Variants in B4GALNT3 observed in about 807,000 individuals in gnomAD.
The protein encoded by B4GALNT3 is beta-1,4-N-acetylgalactosaminyltransferase 3.
In B4GALNT3, 86 loss-of-function variants were observed where a neutral mutation model predicts 120.2. The observed-to-expected ratio is 0.72, with a 90% CI of 0.60 to 0.86. The LOEUF (loss-of-function observed/expected upper bound fraction) is 0.86, where lower values mean the gene tolerates loss of function less well. B4GALNT3 is among the 40% of genes least tolerant of loss of function. The probability of loss-of-function intolerance (pLI) is 0.00; values close to 1 mark genes in which losing one functional copy is unlikely to be tolerated. For missense variants in B4GALNT3, 1,167 were observed against 1,298.9 expected (o/e 0.90, Z 1.56); for synonymous variants, 518 against 510.4 (o/e 1.01, Z -0.20).
chr12:537,964 G>A (rs1196341265), intron 3 of B4GALNT3, among the ~76,000 whole-genome samples: 3 of 152,106 alleles, frequency 2.0e-5, no homozygotes, highest in Non-Finnish European at 4.4e-5. Flanking sequence ...GGGAGAGGAT[G>A]GATTACAATG....
chr12:528,774 CT>C (rs1470671189), intron 1 of B4GALNT3, among the ~76,000 whole-genome samples: 1 of 152,234 alleles, frequency 6.6e-6, no homozygotes, highest in African/African-American at 2.4e-5. Context: ...GCCACAGCCC[CT>C]GCTTTTCCAT....
intron 1 of B4GALNT3, among the ~76,000 whole-genome samples, chr12:511,213 T>C (rs1204300037): frequency 6.6e-6 from 1 of 151,752 alleles, no homozygotes; most frequent in Non-Finnish European, 1.5e-5. Context: ...TTTTTGTTTT[T>C]TTTGGTACCT....
chr12:516,339 A>C (rs149256843), intron 1 of B4GALNT3, among the ~76,000 whole-genome samples: 1 of 152,310 alleles, frequency 6.6e-6, no homozygotes, highest in East Asian at 1.9e-4. Flanking sequence ...TGATCAGGAA[A>C]GGCTTCTGAT....
chr12:511,462 CCTTCCACCTTCTTCCACCTT>C (rs1430534422), intron 1 of B4GALNT3, among the ~76,000 whole-genome samples: 14 of 97,158 alleles, frequency 1.4e-4, no homozygotes, highest in East Asian at 6.2e-4. Context: ...CCTTCTTCCA[CCTTCCACCTTCTTCCACCTT>C]CTTCCACCTT....
intron 1 of B4GALNT3, among the ~76,000 whole-genome samples, chr12:522,015 C>G (rs1015641815): frequency 1.3e-5 from 2 of 151,140 alleles, no homozygotes; most frequent in East Asian, 3.9e-4. Flanking sequence ...CAACCTGACT[C>G]TACTCACCTG....
intron 19 of B4GALNT3, among the ~76,000 whole-genome samples, chr12:559,776 C>A (rs1947205201): frequency 6.6e-6 from 1 of 152,088 alleles, no homozygotes; most frequent in Non-Finnish European, 1.5e-5. Context: ...GGGTAGTGCG[C>A]CTCCCGTCAG....
At position 559,303 on chromosome 12, in the gene B4GALNT3, G is replaced by A. The variant is rs1292374999; in HGVS notation, c.2770G>A (p.Glu924Lys). 1.9e-6 allele frequency: 3 copies of A among 1,613,902 alleles called. No homozygotes were observed. Among genetic ancestry groups the A allele is most frequent in the Non-Finnish European group, 2.5e-6 (3 of 1,179,942 alleles). The change falls in exon 19 of 20, where the codon GAG (glutamate) becomes AAG (lysine). Residue 924 changes from glutamate (E) to lysine (K), a missense_variant. Transcript: ENST00000266383. ...CTCCTGTCTGTCCACAGGCTACTGG[G>A]AGGTGAATGGGTTCGGGCTGCTTGG... The part of the protein sequence containing the change: ...ATPQWPEGYW[E>K]VNGFGLLGIY...
chr12:474,331 A>C (rs1007288572), intron 1 of B4GALNT3, among the ~76,000 whole-genome samples: 1 of 151,954 alleles, frequency 6.6e-6, no homozygotes, highest in African/African-American at 2.4e-5. Flanking sequence ...ACTGGAACTA[A>C]CCCCGTCCCC....
rs151134407 is a variant in B4GALNT3, at chr12:557,757, C to G, written c.2530C>G (p.Arg844Gly). 2.5e-6 allele frequency: 4 copies of G among 1,600,272 alleles called. No homozygotes were observed. Residue 844 changes from arginine (R) to glycine (G), a missense_variant, in exon 16 of 20, where the codon CGG becomes GGG. By Grantham distance (125) the Arg-to-Gly change is moderately radical (BLOSUM62 -2). Coordinates refer to ENST00000266383, the MANE Select transcript of B4GALNT3 (RefSeq NM_173593.4). ...VEMALKRSKL[R>G]SYQYVKLSGN... ...GATGGCACTGAAGAGGTCCAAGCTG[C>G]GGAGGTGAGGGGGACCACCAGCCAG...
chr12:516,038 C>T (rs538440700), intron 1 of B4GALNT3, among the ~76,000 whole-genome samples: 49 of 151,354 alleles, frequency 3.2e-4, no homozygotes, highest in Middle Eastern at 3.4e-3. Flanking sequence ...CCCAGCTACT[C>T]GGGAGGCTAA....
chr12:515,857 G>T (rs1946648451), intron 1 of B4GALNT3, among the ~76,000 whole-genome samples: 1 of 152,006 alleles, frequency 6.6e-6, no homozygotes, highest in South Asian at 2.1e-4. Context: ...CCTGCTTTCA[G>T]CCGGGCACAG....
At chr12:545,804 C>T (rs1449730925) in intron 6 of B4GALNT3, among the ~76,000 whole-genome samples, 25 of 39,432 alleles carry the variant, frequency 6.3e-4, no homozygotes, top group Admixed American at 8.6e-4. Context: ...TGGGGAGGAG[C>T]GAGGAGTGGG....
chr12:540,813 G>A (rs868311108), intron 3 of B4GALNT3, among the ~76,000 whole-genome samples: 5 of 151,836 alleles, frequency 3.3e-5, no homozygotes, highest in African/African-American at 1.2e-4. Flanking sequence ...GTCGGATCTC[G>A]GCTCACTGCA....
chr12:486,933 A>G (rs1946295983), intron 1 of B4GALNT3, among the ~76,000 whole-genome samples: 1 of 152,204 alleles, frequency 6.6e-6, no homozygotes, highest in South Asian at 2.1e-4. Flanking sequence ...AAAATTTTTA[A>G]TGAAAAAAGT....
Position 535,203 on chromosome 12 carries a change from C to G in B4GALNT3, c.207C>G (p.Ala69=), listed in dbSNP as rs1157029084. 1.2e-6 allele frequency: 2 copies of G among 1,613,764 alleles called. No homozygotes were observed. The highest frequency in any genetic ancestry group is 2.7e-5 in the African/African-American group (2 of 74,932). ...GSWRELAKAL[A]SRNIPAVDPH... Reference sequence around the variant, plus strand: ...GGAGAGAACTGGCCAAGGCTCTGGCCAGCAGGAACATTCCAGCTGTGGATC... The same window carrying G: ...GGAGAGAACTGGCCAAGGCTCTGGCGAGCAGGAACATTCCAGCTGTGGATC... Residue 69 remains alanine, a synonymous_variant, in exon 2 of 20, where the codon GCC becomes GCG. Coordinates refer to ENST00000266383, the MANE Select transcript of B4GALNT3 (RefSeq NM_173593.4).
At chr12:542,183 G>A (rs959054728) in intron 3 of B4GALNT3, among the ~76,000 whole-genome samples, 10 of 152,144 alleles carry the variant, frequency 6.6e-5, no homozygotes, top group Non-Finnish European at 1.3e-4. Context: ...GCATTGACCA[G>A]GCCAGTGTGC....
chr12:468,746 G>A (rs1017288828), intron 1 of B4GALNT3, among the ~76,000 whole-genome samples: 1 of 152,254 alleles, frequency 6.6e-6, no homozygotes, highest in African/African-American at 2.4e-5. Context: ...TGTATTAGCA[G>A]CTGAGAATCC....
chr12:554,080 A>C (rs1454865256), intron 14 of B4GALNT3, 97 bp downstream of exon 14: 2 of 831,922 alleles, frequency 2.4e-6, no homozygotes, highest in Non-Finnish European at 3.7e-6. Flanking sequence ...GGGTTCCCCC[A>C]GCCGCGGAAA....
At chr12:514,174 C>T (rs1946625880) in intron 1 of B4GALNT3, among the ~76,000 whole-genome samples, 1 of 151,414 alleles carries the variant, frequency 6.6e-6, no homozygotes, top group Admixed American at 6.6e-5. Flanking sequence ...ATGTTCTTGC[C>T]AACACTTGTT....
Sources: gnomAD v4.1 joint callset for allele counts (sites outside exome capture counted in the v4.1 genomes callset) on GRCh38, gnomAD v4.1.1 for gene constraint, MANE v1.5 for transcripts, NCBI Gene and HGNC (gene_info 2026-07-23, HGNC 2026-07-21) for gene names.